GRM7: variants seen among roughly 807,000 people sequenced by gnomAD.
The protein encoded by GRM7 is metabotropic glutamate receptor 7.
Under a neutral mutation model 84.5 loss-of-function variants are expected in GRM7, and 35 were observed. The observed-to-expected ratio is 0.41, with a 90% confidence interval of 0.32 to 0.55. The LOEUF is 0.55. Ranked by LOEUF, GRM7 falls within the 20% of genes least tolerant of loss-of-function variation. GRM7 has a pLI of 0.19. For missense variants in GRM7, 1,003 were observed against 1,194.6 expected (o/e 0.84, Z 2.36); for synonymous variants, 487 against 455.1 (o/e 1.07, Z -0.89).
At chr3:7,441,155 A>G (rs1476353770) in intron 5 of GRM7, among the ~76,000 whole-genome samples, 1 of 151,836 alleles carries the variant, frequency 6.6e-6, no homozygotes, top group African/African-American at 2.4e-5. Context: ...CCTCACCAGC[A>G]TCTGACCATT....
chr3:7,336,608 T>C (rs571623279), intron 4 of GRM7, among the ~76,000 whole-genome samples: 2 of 152,188 alleles, frequency 1.3e-5, no homozygotes, highest in Non-Finnish European at 2.9e-5. Context: ...AAACTGTCTC[T>C]GTTCACTGAT....
chr3:7,489,592 T>C (rs1393237295), intron 7 of GRM7, among the ~76,000 whole-genome samples: 1 of 152,192 alleles, frequency 6.6e-6, no homozygotes, highest in Non-Finnish European at 1.5e-5. Context: ...TTGTGTGTAA[T>C]GTTCCTGTGA....
At chr3:6,877,193 A>T (rs1695339813) in intron 1 of GRM7, among the ~76,000 whole-genome samples, 1 of 152,140 alleles carries the variant, frequency 6.6e-6, no homozygotes, top group Non-Finnish European at 1.5e-5. Context: ...CTCTTTTTTA[A>T]ACTTCCCACA....
intron 7 of GRM7, among the ~76,000 whole-genome samples, chr3:7,465,420 G>T (rs1698422935): frequency 6.6e-6 from 1 of 151,952 alleles, no homozygotes; most frequent in African/African-American, 2.4e-5. Context: ...GTGTTCAGGG[G>T]GATTAAAAAA....
In GRM7 at chr3:7,256,406, G is replaced by A. The variant is rs1698200314; in HGVS notation, c.737-42278G>A. Among the ~76,000 whole-genome samples, 3 of 152,232 alleles carry A rather than the reference G, an allele frequency of 2.0e-5. No homozygotes were observed. The South Asian group carries it at 6.2e-4, about 32-fold the overall frequency. On this transcript the variant is annotated intron_variant, in intron 2 of 9. Coordinates refer to ENST00000357716, the MANE Select transcript of GRM7 (RefSeq NM_000844.4). Reference sequence around the variant, plus strand: ...ATTTTTGGTTTGTAGTTTGTTTGAAGGAACATATTTAAAAAAGCAGCATAG... The same window carrying A: ...ATTTTTGGTTTGTAGTTTGTTTGAAAGAACATATTTAAAAAAGCAGCATAG...
intron 7 of GRM7, among the ~76,000 whole-genome samples, chr3:7,529,943 A>G (rs886461126): frequency 1.7e-5 from 2 of 120,826 alleles, no homozygotes; most frequent in African/African-American, 3.0e-5. Flanking sequence ...TCAACATTTT[A>G]TTTATTTCTT....
At chr3:7,371,868 G>A (rs960102201) in intron 4 of GRM7, among the ~76,000 whole-genome samples, 2 of 152,274 alleles carry the variant, frequency 1.3e-5, no homozygotes, top group Admixed American at 1.3e-4. Context: ...GAACAGAGGT[G>A]TGAGTCAGTG....
chr3:7,031,846 C>A (rs959701736), intron 1 of GRM7, among the ~76,000 whole-genome samples: 1 of 152,000 alleles, frequency 6.6e-6, no homozygotes, highest in African/African-American at 2.4e-5. Flanking sequence ...CACAAACAGG[C>A]ATGTAGTAAA....
intron 7 of GRM7, among the ~76,000 whole-genome samples, chr3:7,504,804 A>T (rs1294773346): frequency 6.6e-6 from 1 of 152,210 alleles, no homozygotes. Context: ...TTTTAGCCAT[A>T]GCATTCTGTC....
chr3:7,492,316 C>T (rs1699550189), intron 7 of GRM7, among the ~76,000 whole-genome samples: 2 of 152,122 alleles, frequency 1.3e-5, no homozygotes, highest in African/African-American at 4.8e-5. Context: ...AGAATTTCCC[C>T]ATGAAGCCAT....
rs71063284 is a variant in GRM7, at chr3:7,162,729, A to ATTTTTTTTTTTTTTTTTTTT, written c.736+16090_736+16109dup. Among the ~76,000 whole-genome samples the ATTTTTTTTTTTTTTTTTTTT allele has an allele frequency of 3.5e-4, 19 of 54,718 alleles. 6 individuals are homozygous for ATTTTTTTTTTTTTTTTTTTT. Among genetic ancestry groups the ATTTTTTTTTTTTTTTTTTTT allele is most frequent in the East Asian group, 1.3e-3 (2 of 1,520 alleles). The allele number at this position is 54,718 out of a possible 152,430, so 35.9% of individuals were successfully genotyped here. A position where few individuals can be genotyped will look rare whatever the true frequency, so the allele number is the denominator to read the frequency against. On this transcript the variant is annotated intron_variant, in intron 2 of 9. Coordinates refer to ENST00000357716, the MANE Select transcript of GRM7 (RefSeq NM_000844.4). The stretch of plus-strand genomic sequence containing the variant: ...CAATCTCCCATTACTCCCATTTTTC[A>ATTTTTTTTTTTTTTTTTTTT]TTTTTTTTTTTTTTTTTTTTTTTTT...
intron 2 of GRM7, among the ~76,000 whole-genome samples, chr3:7,229,388 T>C (rs1484519980): frequency 6.6e-6 from 1 of 151,898 alleles, no homozygotes; most frequent in African/African-American, 2.4e-5. Context: ...TTATTATAGC[T>C]GAGGAAGATG....
intron 1 of GRM7, among the ~76,000 whole-genome samples, chr3:7,127,410 C>G (rs1702302042): frequency 6.6e-6 from 1 of 152,114 alleles, no homozygotes; most frequent in Admixed American, 6.5e-5. Context: ...AGCATCTAAC[C>G]CTAATAACCT....
intron 1 of GRM7, among the ~76,000 whole-genome samples, chr3:7,140,176 G>A (rs1693901662): frequency 6.6e-6 from 1 of 151,754 alleles, no homozygotes; most frequent in Non-Finnish European, 1.5e-5. Context: ...GATGTGTAGA[G>A]AAGGTCCCCC....
chr3:7,130,520 G>T (rs1290185498), intron 1 of GRM7, among the ~76,000 whole-genome samples: 1 of 147,876 alleles, frequency 6.8e-6, no homozygotes, highest in Non-Finnish European at 1.5e-5. Flanking sequence ...TACAACCCCA[G>T]TGACAGTGCG....
At chr3:7,097,000 G>C (rs1698880834) in intron 1 of GRM7, among the ~76,000 whole-genome samples, 1 of 152,152 alleles carries the variant, frequency 6.6e-6, no homozygotes, top group South Asian at 2.1e-4. Context: ...CTGAATTGTA[G>C]CTGATTAATA....
intron 2 of GRM7, among the ~76,000 whole-genome samples, chr3:7,293,684 A>G (rs577128831): frequency 6.6e-6 from 1 of 152,208 alleles, no homozygotes; most frequent in Non-Finnish European, 1.5e-5. Context: ...TTACTGAGAA[A>G]TAAACTAACT....
chr3:7,054,443 G>T (rs138802689), intron 1 of GRM7, among the ~76,000 whole-genome samples: 608 of 150,584 alleles, frequency 4.0e-3, no homozygotes, highest in South Asian at 8.6e-3. Context: ...TAATTTTTTT[G>T]TGTGTGTTCT....
At chr3:6,918,784 C>G (rs1697025908) in intron 1 of GRM7, among the ~76,000 whole-genome samples, 3 of 152,114 alleles carry the variant, frequency 2.0e-5, no homozygotes, top group Non-Finnish European at 4.4e-5. Context: ...TCACACACTT[C>G]CAGGATGTAG....
Sources: gnomAD v4.1 joint callset for allele counts (sites outside exome capture counted in the v4.1 genomes callset) on GRCh38, gnomAD v4.1.1 for gene constraint, MANE v1.5 for transcripts, NCBI Gene and HGNC (gene_info 2026-07-23, HGNC 2026-07-21) for gene names.